Variants in PRR5 observed in about 807,000 individuals in gnomAD.
PRR5 encodes proline rich 5.
In PRR5, 25 loss-of-function variants were observed where a neutral mutation model predicts 30.6. The observed-to-expected ratio is 0.82, with a 90% CI of 0.60 to 1.14. The LOEUF (loss-of-function observed/expected upper bound fraction) is 1.14, where lower values mean the gene tolerates loss of function less well. Among genes scored for constraint, PRR5 ranks in the 50% most tolerant of loss-of-function variants. PRR5 has a pLI of 0.00. For synonymous variants in PRR5, 286 were observed against 247.1 expected (o/e 1.16, Z -1.48); for missense variants, 600 against 547.1 (o/e 1.10, Z -0.96).
upstream of PRR5, among the ~76,000 whole-genome samples, chr22:44,701,872 C>T (rs1274067244): frequency 6.6e-6 from 1 of 152,112 alleles, no homozygotes; most frequent in Non-Finnish European, 1.5e-5. Flanking sequence ...TGGAGGGAGA[C>T]CTCCGGGGCC....
At chr22:44,725,146 A>G (rs1043782225) in intron 2 of PRR5, 98 bp from the exon 3 acceptor site, 3 of 1,557,920 alleles carry the variant, frequency 1.9e-6, no homozygotes, top group Admixed American at 3.4e-5. Context: ...GAGCATGCTG[A>G]TCTCCCCCTG....
Position 44,737,061 on chromosome 22 carries a change from G to GC in PRR5, c.986dup (p.Glu330Ter). On this transcript the variant is annotated frameshift_variant, in exon 8 of 8. Coordinates refer to ENST00000336985, the MANE Select transcript of PRR5 (RefSeq NM_181333.4). LOFTEE classifies it low-confidence loss of function (END_TRUNC). ...CCAGCAGACTGTACCCCACGACCCA[G>GC]CCCCCTGAGCAGGGCTTGGATCCCA... 6.2e-7 allele frequency: 1 copy of GC among 1,609,090 alleles called. No homozygotes were observed.
At chr22:44,677,792 T>C (rs1831539522) in intron 1 of PRR5, among the ~76,000 whole-genome samples, 1 of 152,206 alleles carries the variant, frequency 6.6e-6, no homozygotes, top group Non-Finnish European at 1.5e-5. Context: ...CCTCGGTCTC[T>C]AATTTGTGAA....
chr22:44,690,874 G>T (rs895102669), intron 1 of PRR5, among the ~76,000 whole-genome samples: 7 of 152,126 alleles, frequency 4.6e-5, no homozygotes, highest in Non-Finnish European at 7.4e-5. Flanking sequence ...GCCTGGCAGG[G>T]CGTGGCGGGA....
intron 5 of PRR5, 30 bp downstream of exon 5, chr22:44,731,851 C>G: frequency 6.2e-7 from 1 of 1,602,776 alleles, no homozygotes; most frequent in Non-Finnish European, 8.5e-7. Flanking sequence ...GGAGGGAAGC[C>G]CAGTGCCCCT....
Position 44,702,280 on chromosome 22 carries a change from C to G in PRR5, c.-195C>G. On this transcript the variant is annotated 5_prime_UTR_variant, in exon 1 of 8. Coordinates refer to ENST00000336985, the MANE Select transcript of PRR5 (RefSeq NM_181333.4). ...TGAGCCTCTCCGTGCAATGATTAAC[C>G]CGGCGGGGCGGCCGGCGCGGGACCC... is the stretch of plus-strand genomic sequence containing the variant. 8.7e-7 allele frequency: 1 copy of G among 1,145,662 alleles called. No individual in the cohort carries two copies. Among genetic ancestry groups the G allele is most frequent in the South Asian group, 4.3e-5 (1 of 23,510 alleles). 71.0% of individuals were successfully genotyped at this position (1,145,662 alleles called of 1,614,324 possible). A position where few individuals can be genotyped will look rare whatever the true frequency, so the allele number is the denominator to read the frequency against.
intron 1 of PRR5, among the ~76,000 whole-genome samples, chr22:44,693,457 T>TAAAAAAAAAAAAA (rs1196481816): frequency 2.9e-5 from 4 of 136,390 alleles, no homozygotes; most frequent in Admixed American, 7.1e-5. Flanking sequence ...AGACCCTGTC[T>TAAAAAAAAAAAAA]CAAAAAAAAA....
chr22:44,729,870 C>A, intron 4 of PRR5: 2 of 985,492 alleles, frequency 2.0e-6, no homozygotes, highest in Non-Finnish European at 2.4e-6. Flanking sequence ...CACCCCCCGG[C>A]CAGCCCGGGA....
rs1055188398 is a variant in PRR5, at chr22:44,732,942, C to T, written c.555+551C>T. Among the ~76,000 whole-genome samples, 6 of 102,818 alleles carry T rather than the reference C, an allele frequency of 5.8e-5. No individual in the cohort carries two copies. In the East Asian group the frequency reaches 6.5e-4, roughly 11 times the overall value. The allele number at this position is 102,818 out of a possible 152,430, so 67.5% of individuals were successfully genotyped here. Reference sequence around the variant, plus strand: ...CACGTGCGCACGCACATACTACACACGTGTGCACACATACGCGTGCACACG... The same window carrying T: ...CACGTGCGCACGCACATACTACACATGTGTGCACACATACGCGTGCACACG... On this transcript the variant is annotated intron_variant, in intron 6 of 7. Transcript: ENST00000336985.
intron 1 of PRR5, among the ~76,000 whole-genome samples, chr22:44,695,981 A>ACT (rs1185649502): frequency 7.9e-5 from 10 of 126,428 alleles, no homozygotes; most frequent in African/African-American, 3.1e-4. Context: ...CCCAGGCTGG[A>ACT]GTGCAATGGC....
At chr22:44,680,245 C>T (rs758287365) in intron 1 of PRR5, among the ~76,000 whole-genome samples, 2 of 152,178 alleles carry the variant, frequency 1.3e-5, no homozygotes, top group Admixed American at 1.3e-4. Context: ...GTTTGCTGTA[C>T]CTCTCTGAGT....
At chr22:44,717,487 C>T (rs913830114) in intron 2 of PRR5, among the ~76,000 whole-genome samples, 5 of 152,028 alleles carry the variant, frequency 3.3e-5, no homozygotes, top group Non-Finnish European at 5.9e-5. Context: ...CCACCATGCC[C>T]GGTATCCAGG....
intron 6 of PRR5, among the ~76,000 whole-genome samples, chr22:44,733,466 G>A (rs1456467839): frequency 6.6e-6 from 1 of 152,144 alleles, no homozygotes; most frequent in Non-Finnish European, 1.5e-5. Flanking sequence ...GAGGACACTC[G>A]GGACCCTCAC....
At chr22:44,717,270 C>T (rs2147093174) in intron 2 of PRR5, among the ~76,000 whole-genome samples, 1 of 146,404 alleles carries the variant, frequency 6.8e-6, no homozygotes, top group South Asian at 2.2e-4. Context: ...CAGCTCACTG[C>T]GACCTCCGCC....
chr22:44,725,368 C>CG (rs1170091186), intron 3 of PRR5, 76 bp downstream of exon 3: 1 of 1,591,368 alleles, frequency 6.3e-7, no homozygotes, highest in African/African-American at 1.3e-5. Flanking sequence ...CACCTGCCCC[C>CG]GGGGGTGTGG....
chr22:44,693,845 T>C (rs13056736), intron 1 of PRR5, among the ~76,000 whole-genome samples: 1 of 145,064 alleles, frequency 6.9e-6, no homozygotes, highest in East Asian at 2.0e-4. Context: ...GGTTTCACCG[T>C]GTTAGCCAGT....
Position 44,702,424 on chromosome 22 carries a change from A to G in PRR5, c.-51A>G, listed in dbSNP as rs1219777463. On this transcript the variant is annotated 5_prime_UTR_variant, in exon 1 of 8. Coordinates refer to ENST00000336985, the MANE Select transcript of PRR5 (RefSeq NM_181333.4). ...CGGGGCCCTTGGTGCGGCGTGGCGC[A>G]GGGCGCGGCGTGGGGCGCGCGTGGG... is the stretch of plus-strand genomic sequence containing the variant. 24 of 1,258,914 alleles carry G rather than the reference A, an allele frequency of 1.9e-5. No homozygotes were observed. Among genetic ancestry groups the G allele is most frequent in the African/African-American group, 9.5e-5 (6 of 63,472 alleles). 78.0% of individuals were successfully genotyped at this position (1,258,914 alleles called of 1,614,324 possible). A position where few individuals can be genotyped will look rare whatever the true frequency, so the allele number is the denominator to read the frequency against.
In PRR5 at chr22:44,702,617, G is replaced by A; in HGVS notation, c.134+9G>A. On this transcript the variant is annotated intron_variant, in intron 1 of 7. Transcript: ENST00000336985. ...AACGCCACCTGGAACAGGTAAGGCC[G>A]CGCCCTCCCGGCCACCCGGAGGCCC... 3.9e-6 allele frequency: 5 copies of A among 1,294,460 alleles called. No homozygotes were observed. The highest frequency in any genetic ancestry group is 3.9e-6 in the Non-Finnish European group (4 of 1,017,782). The allele number at this position is 1,294,460 out of a possible 1,614,324, so 80.2% of individuals were successfully genotyped here. A position where few individuals can be genotyped will look rare whatever the true frequency, so the allele number is the denominator to read the frequency against.
intron 2 of PRR5, among the ~76,000 whole-genome samples, chr22:44,724,838 C>T (rs1344797367): frequency 6.6e-6 from 1 of 152,208 alleles, no homozygotes; most frequent in Non-Finnish European, 1.5e-5. Flanking sequence ...TGGGAAGAAG[C>T]TCTGCAGGCG....
Sources: gnomAD v4.1 joint callset for allele counts (sites outside exome capture counted in the v4.1 genomes callset) on GRCh38, gnomAD v4.1.1 for gene constraint, MANE v1.5 for transcripts, NCBI Gene and HGNC (gene_info 2026-07-23, HGNC 2026-07-21) for gene names.